The following CHRM3 variants were observed in gnomAD, a reference collection of about 807,000 sequenced individuals.
CHRM3 encodes the protein cholinergic receptor muscarinic 3.
A neutral mutation model predicts 41.8 loss-of-function variants in CHRM3; 11 were observed. That is an observed-to-expected ratio of 0.26 (90% CI 0.17 to 0.44). The LOEUF is 0.44. Ranked by LOEUF, CHRM3 falls within the 20% of genes least tolerant of loss-of-function variation. The pLI, the probability that CHRM3 is intolerant of heterozygous loss-of-function variation, is 1.00. For synonymous variants in CHRM3, 297 were observed against 301.4 expected, an observed-to-expected ratio of 0.99 and a Z score of 0.15; for missense variants, 571 against 745.4, an observed-to-expected ratio of 0.77 and a Z score of 2.72.
chr1:239,615,449 C>T (rs1365793200), intron 3 of CHRM3, among the ~76,000 whole-genome samples: 1 of 152,070 alleles, frequency 6.6e-6, no homozygotes, highest in African/African-American at 2.4e-5. Flanking sequence ...GGCATGGGGA[C>T]TGGGGGATGG....
chr1:239,787,138 C>CA (rs1415888411), intron 5 of CHRM3, among the ~76,000 whole-genome samples: 1 of 152,120 alleles, frequency 6.6e-6, no homozygotes, highest in East Asian at 1.9e-4. Flanking sequence ...GATACCAACT[C>CA]AGACAGGATG....
rs138286930 is a variant in CHRM3 at position 239,770,874 on chromosome 1, G to A, written c.-146-56378G>A. On this transcript the variant is annotated intron_variant, in intron 5 of 6. Transcript: ENST00000676153. Reference sequence around the variant, plus strand: ...GCCTGAAACGAGCAGATCACTTGAGGTCAGGAGTTTGAGACCAGCCTGATC... The same window carrying A: ...GCCTGAAACGAGCAGATCACTTGAGATCAGGAGTTTGAGACCAGCCTGATC... Among the ~76,000 whole-genome samples the A allele has an allele frequency of 3.4e-3, 521 of 152,180 alleles. 7 individuals are homozygous for A. The highest frequency in any genetic ancestry group is 0.012 in the African/African-American group (502 of 41,516).
At chr1:239,728,853 GATTC>G (rs1663691632) in intron 5 of CHRM3, among the ~76,000 whole-genome samples, 1 of 151,866 alleles carries the variant, frequency 6.6e-6, no homozygotes, top group Admixed American at 6.6e-5. Flanking sequence ...AGCCAATGTG[GATTC>G]ATTCATTCAA....
At chr1:239,408,792 T>TA (rs1479677457) in intron 1 of CHRM3, among the ~76,000 whole-genome samples, 1 of 151,008 alleles carries the variant, frequency 6.6e-6, no homozygotes, top group Non-Finnish European at 1.5e-5. Flanking sequence ...TGGCTAGATT[T>TA]TTTTTTTTTT....
rs193025175 is a variant in CHRM3 at position 239,586,087 on chromosome 1, G to C, written c.-313+40338G>C. On this transcript the variant is annotated intron_variant, in intron 3 of 6. Transcript: ENST00000676153. The stretch of plus-strand genomic sequence containing the variant: ...CTGTGTCTCTGAAAGAGTAATTTCT[G>C]TCCACTCCCTGCCCTCCCGTGGGAG... 2.7e-3 allele frequency among the ~76,000 whole-genome samples: 411 copies of C among 152,194 alleles called. 3 individuals carry two copies. The highest frequency in any genetic ancestry group is 9.7e-3 in the African/African-American group (403 of 41,548).
intron 4 of CHRM3, among the ~76,000 whole-genome samples, chr1:239,650,558 G>A (rs1037659175): frequency 4.6e-5 from 7 of 152,194 alleles, no homozygotes; most frequent in Admixed American, 4.6e-4. Context: ...AAAGTGATGT[G>A]TGATTTGGAG....
intron 5 of CHRM3, among the ~76,000 whole-genome samples, chr1:239,785,800 T>C (rs1466185454): frequency 6.6e-6 from 1 of 152,124 alleles, no homozygotes; most frequent in Non-Finnish European, 1.5e-5. Flanking sequence ...CTAATAGACT[T>C]TGGTTTTTGT....
At chr1:239,740,119 C>A (rs1664709429) in intron 5 of CHRM3, among the ~76,000 whole-genome samples, 1 of 152,134 alleles carries the variant, frequency 6.6e-6, no homozygotes, top group African/African-American at 2.4e-5. Flanking sequence ...GTATCTCTTG[C>A]AAGGTCACTT....
intron 5 of CHRM3, among the ~76,000 whole-genome samples, chr1:239,768,608 C>A (rs1247310165): frequency 6.6e-6 from 1 of 151,826 alleles, no homozygotes; most frequent in East Asian, 1.9e-4. Context: ...CTCCTTTTTT[C>A]CTTCATCTGA....
chr1:239,595,152 T>C (rs1348187030), intron 3 of CHRM3, among the ~76,000 whole-genome samples: 1 of 152,252 alleles, frequency 6.6e-6, no homozygotes, highest in Non-Finnish European at 1.5e-5. Context: ...AGTATGGACT[T>C]TTATTCCCTA....
intron 6 of CHRM3, among the ~76,000 whole-genome samples, chr1:239,893,357 G>C (rs1301904899): frequency 6.6e-6 from 1 of 152,172 alleles, no homozygotes; most frequent in Non-Finnish European, 1.5e-5. Context: ...TGCTTTATAA[G>C]CTTAGGTATT....
chr1:239,821,812 A>G (rs904915958), intron 5 of CHRM3, among the ~76,000 whole-genome samples: 3 of 152,118 alleles, frequency 2.0e-5, no homozygotes, highest in Non-Finnish European at 4.4e-5. Context: ...AATCCGCATA[A>G]TCCCCACACA....
intron 1 of CHRM3, among the ~76,000 whole-genome samples, chr1:239,433,188 G>T (rs1017380783): frequency 2.0e-5 from 3 of 152,064 alleles, no homozygotes; most frequent in Admixed American, 1.3e-4. Flanking sequence ...CCTATTCTAA[G>T]AATAGGTTTA....
intron 1 of CHRM3, among the ~76,000 whole-genome samples, chr1:239,434,767 G>A (rs888833231): frequency 5.3e-5 from 8 of 151,954 alleles, no homozygotes; most frequent in Non-Finnish European, 1.0e-4. Context: ...GAGAGAGATA[G>A]AGAGGGAGAA....
At chr1:239,894,306 C>T (rs1381757708) in intron 6 of CHRM3, among the ~76,000 whole-genome samples, 3 of 152,192 alleles carry the variant, frequency 2.0e-5, no homozygotes, top group African/African-American at 7.2e-5. Context: ...AATATTTAAA[C>T]AGGGAATGGC....
chr1:239,740,631 C>A lies in CHRM3; in HGVS notation c.-147+62343C>A, dbSNP rs563586637. On this transcript the variant is annotated intron_variant, in intron 5 of 6. Coordinates refer to ENST00000676153, the MANE Select transcript of CHRM3 (RefSeq NM_001375978.1). ...CTCTCCCTCCCCTTGCCCCTCACCC[C>A]CTGACAGGCCCAAGTGTGTGATGCT... Among the ~76,000 whole-genome samples the A allele has an allele frequency of 3.3e-5, 5 of 152,200 alleles. No homozygotes were observed. The South Asian group carries it at 1.0e-3, about 32-fold the overall frequency.
Position 239,641,850 on chromosome 1 carries a change from C to A in CHRM3, c.-250+9564C>A, listed in dbSNP as rs1466572334. 1.6e-5 allele frequency among the ~76,000 whole-genome samples: 2 copies of A among 127,764 alleles called. 1 individual carries two copies. Among genetic ancestry groups the A allele is most frequent in the African/African-American group, 6.3e-5 (2 of 31,834 alleles). 83.8% of individuals were successfully genotyped at this position (127,764 alleles called of 152,430 possible). A position where few individuals can be genotyped will look rare whatever the true frequency, so the allele number is the denominator to read the frequency against. Reference sequence around the variant, plus strand: ...TTTTGCTCGTTAGTTGATGCAGTTTCTTCCTAGTCTTGATGGTCTTTACAA... The same window carrying A: ...TTTTGCTCGTTAGTTGATGCAGTTTATTCCTAGTCTTGATGGTCTTTACAA... On this transcript the variant is annotated intron_variant, in intron 4 of 6. Transcript: ENST00000676153.
chr1:239,874,085 A>T (rs777179246), intron 6 of CHRM3, among the ~76,000 whole-genome samples: 2 of 151,746 alleles, frequency 1.3e-5, no homozygotes, highest in East Asian at 3.9e-4. Context: ...GAGGAAACTG[A>T]GGCTCAGGAG....
intron 5 of CHRM3, among the ~76,000 whole-genome samples, chr1:239,785,082 T>C (rs370043398): frequency 2.0e-5 from 3 of 152,210 alleles, no homozygotes; most frequent in African/African-American, 2.4e-5. Context: ...ATATTTCCAC[T>C]ATCCATGTGC....
Sources: allele counts gnomAD v4.1 joint callset (sites outside exome capture counted in the v4.1 genomes callset), GRCh38; gene constraint gnomAD v4.1.1; transcripts MANE v1.5; gene names NCBI Gene and HGNC (gene_info 2026-07-23, HGNC 2026-07-21).